OR6N1: variants seen among roughly 807,000 people sequenced by gnomAD.
OR6N1 encodes the protein olfactory receptor family 6 subfamily N member 1.
For synonymous variants in OR6N1, 170 were observed against 150.7 expected (o/e 1.13, Z -0.94); for missense variants, 394 against 371.7 (o/e 1.06, Z -0.49).
chr1:158,816,032 C>T, the OR6N1 span, among the ~76,000 whole-genome samples: 2 of 151,650 alleles, frequency 1.3e-5, no homozygotes, highest in South Asian at 4.2e-4. Context: ...GTGGCGGGCA[C>T]CTAAAGTCCC....
At chr1:158,773,198 G>T (rs1300344341), upstream of OR6N1, among the ~76,000 whole-genome samples, 1 of 150,378 alleles carries the variant, frequency 6.6e-6, no homozygotes, top group Non-Finnish European at 1.5e-5. Context: ...AAACTGAGTT[G>T]CCAGTATTTA....
At position 158,766,091 on chromosome 1, in the gene OR6N1, C is replaced by T; in HGVS notation, c.592G>A (p.Val198Ile). 3 of 1,614,124 alleles carry T rather than the reference C, an allele frequency of 1.9e-6. No individual in the cohort carries two copies. The highest frequency in any genetic ancestry group is 2.5e-6 in the Non-Finnish European group (3 of 1,180,022). ...TTGCAGGAATTTATAACAAAATCTA[C>T]TAGGACATTTATAGACGTATCAGTG... ...ACTDTSINVL[V>I]DFVINSCKIL... The change falls in exon 2 of 2, where the codon GTA becomes ATA. Residue 198 changes from valine (V) to isoleucine (I), a missense_variant. Transcript: ENST00000641846.
chr1:158,790,015 G>A, the OR6N1 span, among the ~76,000 whole-genome samples: 1 of 152,258 alleles, frequency 6.6e-6, no homozygotes, highest in Admixed American at 6.5e-5. Flanking sequence ...ATGTTTTTAT[G>A]TTGTGAGAGA....
chr1:158,772,777 A>G (rs1657454652), upstream of OR6N1, among the ~76,000 whole-genome samples: 1 of 152,176 alleles, frequency 6.6e-6, no homozygotes, highest in South Asian at 2.1e-4. Context: ...CCAAATACTT[A>G]TGAGACATTA....
At chr1:158,820,212 T>C in the OR6N1 span, among the ~76,000 whole-genome samples, 9 of 152,198 alleles carry the variant, frequency 5.9e-5, no homozygotes, top group African/African-American at 2.2e-4. Context: ...GAACAGGTGT[T>C]CCTTGCCCTC....
At chr1:158,780,847 A>G in the OR6N1 span, among the ~76,000 whole-genome samples, 655 of 152,300 alleles carry the variant, frequency 4.3e-3, 5 homozygotes, top group African/African-American at 0.015. Flanking sequence ...TCAGCACTTG[A>G]CCAATCTGTG....
the OR6N1 span, among the ~76,000 whole-genome samples, chr1:158,783,990 C>A: frequency 6.6e-6 from 1 of 152,064 alleles, no homozygotes; most frequent in Non-Finnish European, 1.5e-5. Flanking sequence ...CCTGTAGTCC[C>A]ACCTACTCGG....
chr1:158,765,738 C>A lies in OR6N1; in HGVS notation c.*6G>T. The stretch of plus-strand genomic sequence containing the variant: ...GGCCCGGCCTTGGCCTACTCTCAGC[C>A]CCAACTCATGCCAATATCCCAATTC... On this transcript the variant is annotated 3_prime_UTR_variant, in exon 2 of 2. Coordinates refer to ENST00000641846, the MANE Select transcript of OR6N1 (RefSeq NM_001005185.2). The A allele has an allele frequency of 1.2e-6, 2 of 1,608,050 alleles. No individual in the cohort carries two copies. The highest frequency in any genetic ancestry group is 1.7e-4 in the Middle Eastern group (1 of 6,044).
chr1:158,768,816 G>A (rs1316016436), intron 1 of OR6N1, among the ~76,000 whole-genome samples: 1 of 152,058 alleles, frequency 6.6e-6, no homozygotes, highest in Admixed American at 6.5e-5. Flanking sequence ...TCCATATTCT[G>A]TACTGCTATT....
the OR6N1 span, among the ~76,000 whole-genome samples, chr1:158,784,111 C>A: frequency 6.4e-3 from 968 of 151,220 alleles, 11 homozygotes; most frequent in African/African-American, 0.022. Flanking sequence ...CTCTAAAAAA[C>A]AAAAAAAAGA....
chr1:158,810,095 G>T, the OR6N1 span, among the ~76,000 whole-genome samples: 1 of 152,166 alleles, frequency 6.6e-6, no homozygotes, highest in Non-Finnish European at 1.5e-5. Flanking sequence ...CAAAAGAGAA[G>T]AGCCTTGAGC....
the OR6N1 span, among the ~76,000 whole-genome samples, chr1:158,790,075 A>C: frequency 5.0e-3 from 767 of 152,322 alleles, 11 homozygotes; most frequent in African/African-American, 0.018. Flanking sequence ...TTTTTCCTGC[A>C]CCATTTATGG....
At position 158,764,741 on chromosome 1, in the gene OR6N1, T is replaced by C. The variant is rs1049730978; in HGVS notation, c.*1003A>G. The C allele has an allele frequency of 2.0e-5, 3 of 152,238 alleles. No individual in the cohort carries two copies. Among genetic ancestry groups the C allele is most frequent in the Non-Finnish European group, 4.4e-5 (3 of 67,978 alleles). The allele number at this position is 152,238 out of a possible 1,614,324, so 9.4% of individuals were successfully genotyped here. ...ATTTTTCACACGTTTCAGGAAATAA[T>C]TAGCTTACAATTCAATAAAGAAATG... On this transcript the variant is annotated 3_prime_UTR_variant, in exon 2 of 2. Transcript: ENST00000641846.
chr1:158,767,690 C>T (rs1657311999), intron 1 of OR6N1, among the ~76,000 whole-genome samples: 1 of 152,168 alleles, frequency 6.6e-6, no homozygotes, highest in African/African-American at 2.4e-5. Flanking sequence ...CTATTATTCT[C>T]ATCTACTAAA....
chr1:158,778,134 A>G, the OR6N1 span, among the ~76,000 whole-genome samples: 1 of 152,220 alleles, frequency 6.6e-6, no homozygotes, highest in South Asian at 2.1e-4. Context: ...GTAGTAGCAA[A>G]TATTTTCCTA....
At chr1:158,827,826 G>C in the OR6N1 span, among the ~76,000 whole-genome samples, 1 of 152,178 alleles carries the variant, frequency 6.6e-6, no homozygotes, top group Non-Finnish European at 1.5e-5. Flanking sequence ...TCTTCATCCT[G>C]CTGATAAAGG....
At chr1:158,807,435 C>T in the OR6N1 span, among the ~76,000 whole-genome samples, 1 of 152,190 alleles carries the variant, frequency 6.6e-6, no homozygotes, top group African/African-American at 2.4e-5. Context: ...TGACCATACT[C>T]TAGCAGGTAC....
At chr1:158,798,774 G>A in the OR6N1 span, among the ~76,000 whole-genome samples, 1 of 152,044 alleles carries the variant, frequency 6.6e-6, no homozygotes, top group Non-Finnish European at 1.5e-5. Context: ...TATTCCTAAG[G>A]GGAGAGATTT....
At chr1:158,794,474 G>C in the OR6N1 span, among the ~76,000 whole-genome samples, 2 of 152,088 alleles carry the variant, frequency 1.3e-5, no homozygotes, top group East Asian at 3.9e-4. Flanking sequence ...CCTCTGGGTC[G>C]AGCCACCCAG....
Sources: allele counts gnomAD v4.1 joint callset (sites outside exome capture counted in the v4.1 genomes callset), GRCh38; gene constraint gnomAD v4.1.1; transcripts MANE v1.5; gene names NCBI Gene and HGNC (gene_info 2026-07-23, HGNC 2026-07-21).